Variants in COBL observed in about 807,000 individuals in gnomAD.
COBL encodes the protein cordon-bleu WH2 repeat protein.
COBL carries 51 observed loss-of-function variants against 98.8 expected under a neutral mutation model. That is an observed-to-expected ratio of 0.52 (90% CI 0.41 to 0.65). The LOEUF (loss-of-function observed/expected upper bound fraction) is 0.65. COBL is among the 30% of genes least tolerant of loss of function. The pLI, the probability that COBL is intolerant of heterozygous loss-of-function variation, is 0.00. For missense variants in COBL, 1,617 were observed against 1,617.5 expected, an observed-to-expected ratio of 1.00 and a Z score of 0.01; for synonymous variants, 634 against 651.7, an observed-to-expected ratio of 0.97 and a Z score of 0.41.
chr7:51,301,625 G>A (rs1801976323), intron 1 of COBL, among the ~76,000 whole-genome samples: 1 of 152,212 alleles, frequency 6.6e-6, no homozygotes, highest in Non-Finnish European at 1.5e-5. Flanking sequence ...TAAGCAAGCT[G>A]CTCCTCTGCT....
chr7:51,100,898 G>A (rs6946815), intron 6 of COBL, among the ~76,000 whole-genome samples: 3,617 of 141,354 alleles, frequency 0.026, 145 homozygotes, highest in African/African-American at 0.09. Context: ...GCAAGACTCC[G>A]TCTTCAATAA....
At chr7:51,077,685 C>T (rs547576683) in intron 7 of COBL, among the ~76,000 whole-genome samples, 2 of 152,322 alleles carry the variant, frequency 1.3e-5, no homozygotes, top group South Asian at 4.1e-4. Context: ...CCTCTTACTA[C>T]AAAGACTATC....
Position 51,029,488 on chromosome 7 carries a change from T to C in COBL, c.1608A>G (p.Thr536=), listed in dbSNP as rs1189515098. The change falls in exon 10 of 13, where the codon ACA becomes ACG. Residue 536 remains threonine (T), a synonymous_variant. Coordinates refer to ENST00000265136, the MANE Select transcript of COBL (RefSeq NM_015198.5). ...PQDAMIPHGD[T]DAIPVTFIGE... is the part of the protein sequence containing the mutation. Reference sequence around the variant, plus strand: ...CTATGAATGTTACTGGGATTGCATCTGTGTCGCCGTGAGGGATCATGGCAT... The same window carrying C: ...CTATGAATGTTACTGGGATTGCATCCGTGTCGCCGTGAGGGATCATGGCAT... 1 of 1,614,180 alleles carries C rather than the reference T, an allele frequency of 6.2e-7. No homozygotes were observed. Among genetic ancestry groups the C allele is most frequent in the Non-Finnish European group, 8.5e-7 (1 of 1,180,032 alleles).
At chr7:51,260,552 A>G (rs1797624580) in intron 1 of COBL, among the ~76,000 whole-genome samples, 1 of 152,262 alleles carries the variant, frequency 6.6e-6, no homozygotes, top group Non-Finnish European at 1.5e-5. Context: ...AAAGGCTCAT[A>G]TACAATGCTC....
chr7:51,216,874 C>T (rs1199334620), intron 2 of COBL, among the ~76,000 whole-genome samples: 2 of 152,052 alleles, frequency 1.3e-5, no homozygotes, highest in Non-Finnish European at 2.9e-5. Flanking sequence ...ACCACAATGA[C>T]AAAAAACAAG....
chr7:51,084,478 C>T (rs910652712), intron 7 of COBL, among the ~76,000 whole-genome samples: 1 of 152,090 alleles, frequency 6.6e-6, no homozygotes, highest in African/African-American at 2.4e-5. Context: ...AGTGAAATAA[C>T]AAATGCTGAA....
At chr7:51,172,696 G>T (rs1189563399) in intron 5 of COBL, among the ~76,000 whole-genome samples, 1 of 152,196 alleles carries the variant, frequency 6.6e-6, no homozygotes, top group African/African-American at 2.4e-5. Context: ...GAACAGACCT[G>T]AACCAAAGTG....
At chr7:51,314,708 T>C (rs957304413) in intron 1 of COBL, among the ~76,000 whole-genome samples, 7 of 152,242 alleles carry the variant, frequency 4.6e-5, no homozygotes, top group African/African-American at 7.2e-5. Context: ...ATAATATGTC[T>C]ACATTTCTTG....
rs117980855 is a variant in COBL, at chr7:51,028,420, G to A, written c.2676C>T (p.Ala892=). The A allele has an allele frequency of 7.8e-3, 12,644 of 1,614,234 alleles. 65 individuals carry two copies. Among genetic ancestry groups the A allele is most frequent in the Non-Finnish European group, 9.7e-3 (11,462 of 1,180,030 alleles). Residue 892 remains alanine (A), a synonymous_variant, in exon 10 of 13, where the codon GCC becomes GCT. Coordinates refer to ENST00000265136, the MANE Select transcript of COBL (RefSeq NM_015198.5). ...HADVVRPHGY[A]EKGYAGKAPV... Reference sequence around the variant, plus strand: ...GCGCCTTGCCTGCATAACCCTTCTCGGCATAACCGTGTGGCCTCACCACAT... The same window carrying A: ...GCGCCTTGCCTGCATAACCCTTCTCAGCATAACCGTGTGGCCTCACCACAT...
At chr7:51,188,949 T>C (rs1222877713) in intron 4 of COBL, among the ~76,000 whole-genome samples, 6 of 152,206 alleles carry the variant, frequency 3.9e-5, no homozygotes, top group Admixed American at 6.5e-5. Flanking sequence ...TTATTTCAGA[T>C]ACCTGAACGT....
chr7:51,059,549 ACAGGGAGAAGGG>A (rs1791108744), intron 7 of COBL, among the ~76,000 whole-genome samples: 1 of 151,030 alleles, frequency 6.6e-6, no homozygotes, highest in African/African-American at 2.4e-5. Context: ...ATGGGAGAGA[ACAGGGAGAAGGG>A]GGGGCCTGAA....
At chr7:51,054,830 G>A (rs140457518) in intron 7 of COBL, among the ~76,000 whole-genome samples, 1,592 of 152,316 alleles carry the variant, frequency 0.01, 12 homozygotes, top group Middle Eastern at 0.024. Flanking sequence ...AGGGGTTTTC[G>A]GGGCACATCA....
At chr7:51,140,132 A>G (rs1428794583) in intron 5 of COBL, among the ~76,000 whole-genome samples, 2 of 152,220 alleles carry the variant, frequency 1.3e-5, no homozygotes, top group Non-Finnish European at 2.9e-5. Flanking sequence ...AACCAGATAA[A>G]TCATTAAGAA....
At chr7:51,276,490 T>G (rs537493082) in intron 1 of COBL, among the ~76,000 whole-genome samples, 2 of 152,356 alleles carry the variant, frequency 1.3e-5, no homozygotes, top group East Asian at 3.9e-4. Flanking sequence ...CACTGTGGGC[T>G]TTCTTGCTTT....
chr7:51,126,086 G>C (rs1300219381), intron 6 of COBL, among the ~76,000 whole-genome samples: 1 of 152,190 alleles, frequency 6.6e-6, no homozygotes, highest in Non-Finnish European at 1.5e-5. Context: ...CCAGCACTCT[G>C]GGAGGCCGAG....
intron 1 of COBL, among the ~76,000 whole-genome samples, chr7:51,290,017 A>G (rs890645356): frequency 3.9e-5 from 6 of 152,230 alleles, no homozygotes; most frequent in African/African-American, 1.4e-4. Context: ...AATGAGATAC[A>G]GAGAAAAATG....
At chr7:51,217,694 T>C (rs1174344911) in intron 2 of COBL, among the ~76,000 whole-genome samples, 2 of 152,190 alleles carry the variant, frequency 1.3e-5, no homozygotes, top group African/African-American at 4.8e-5. Flanking sequence ...GGCTAAAATA[T>C]AAGAATGGCG....
chr7:51,184,490 A>G (rs1342773222), intron 4 of COBL, among the ~76,000 whole-genome samples: 1 of 152,262 alleles, frequency 6.6e-6, no homozygotes, highest in Non-Finnish European at 1.5e-5. Context: ...GTTCTAGGGC[A>G]GAGCTGTCCA....
chr7:51,296,157 CCCTT>C (rs1354735001), intron 1 of COBL, among the ~76,000 whole-genome samples: 11 of 152,176 alleles, frequency 7.2e-5, no homozygotes, highest in African/African-American at 2.7e-4. Context: ...GATCAGTCCT[CCCTT>C]CTTTATTGTG....
Sources: gnomAD v4.1 joint callset for allele counts (sites outside exome capture counted in the v4.1 genomes callset) on GRCh38, gnomAD v4.1.1 for gene constraint, MANE v1.5 for transcripts, NCBI Gene and HGNC (gene_info 2026-07-23, HGNC 2026-07-21) for gene names.